The following MED12L variants were observed in gnomAD, a reference collection of about 807,000 sequenced individuals.
MED12L encodes mediator of RNA polymerase II transcription subunit 12-like protein.
A neutral mutation model predicts 281.3 loss-of-function variants in MED12L; 60 were observed. The observed-to-expected ratio is 0.21, with a 90% CI of 0.17 to 0.26. The LOEUF (loss-of-function observed/expected upper bound fraction) is 0.26, where lower values mean the gene tolerates loss of function less well. MED12L is among the 10% of genes least tolerant of loss of function. The probability of loss-of-function intolerance (pLI) is 1.00; values close to 1 mark genes in which losing one functional copy is unlikely to be tolerated. For synonymous variants in MED12L, 974 were observed against 987.2 expected, an observed-to-expected ratio of 0.99 and a Z score of 0.25; for missense variants, 2,146 against 2,680.9, an observed-to-expected ratio of 0.80 and a Z score of 4.41.
intron 3 of MED12L, among the ~76,000 whole-genome samples, chr3:151,120,164 T>C (rs927247871): frequency 1.3e-5 from 2 of 151,382 alleles, no homozygotes; most frequent in African/African-American, 4.9e-5. Flanking sequence ...AGGCAGAGGT[T>C]GTAGTGAGCC....
At chr3:151,145,184 G>T (rs1417329784) in intron 5 of MED12L, among the ~76,000 whole-genome samples, 2 of 152,166 alleles carry the variant, frequency 1.3e-5, no homozygotes, top group Non-Finnish European at 2.9e-5. Flanking sequence ...TGGAGCCAGG[G>T]CAGGAACCAG....
chr3:151,251,516 C>T (rs1034387480), intron 16 of MED12L, among the ~76,000 whole-genome samples: 2 of 152,138 alleles, frequency 1.3e-5, no homozygotes, highest in African/African-American at 4.8e-5. Flanking sequence ...TGAGAGGAAT[C>T]CCTCTAAAAT....
In MED12L at chr3:151,224,088, T is replaced by G. The variant is rs550118787; in HGVS notation, c.2250+30422T>G. On this transcript the variant is annotated intron_variant, in intron 16 of 44. Transcript: ENST00000687756. ...TTATCAACATTAGTGTCTGCACTTC[T>G]GTTTTTGTATATTTAAATTATTTCA... Among the ~76,000 whole-genome samples the G allele has an allele frequency of 1.2e-4, 18 of 152,300 alleles. No homozygotes were observed. The East Asian group carries it at 3.5e-3, about 29-fold the overall frequency.
chr3:151,102,656 A>T (rs1362521944), intron 2 of MED12L, among the ~76,000 whole-genome samples: 1 of 152,110 alleles, frequency 6.6e-6, no homozygotes, highest in Non-Finnish European at 1.5e-5. Flanking sequence ...TGTTTTTTGT[A>T]GAGACAAGGT....
rs1720050418 is a variant in MED12L at position 151,435,537 on chromosome 3, C to CTAACT, written c.*2736_*2740dup. On this transcript the variant is annotated 3_prime_UTR_variant, in exon 45 of 45. Transcript: ENST00000687756. ...ACATGTCTCAAATGATTGGCAGGGG[C>CTAACT]TAACTTATTAGTAATTCTCGGTTTT... The CTAACT allele has an allele frequency of 6.6e-6, 1 of 152,038 alleles. No individual in the cohort carries two copies. The highest frequency in any genetic ancestry group is 2.1e-4 in the South Asian group (1 of 4,810). The allele number at this position is 152,038 out of a possible 1,614,324, so 9.4% of individuals were successfully genotyped here. A position where few individuals can be genotyped will look rare whatever the true frequency, so the allele number is the denominator to read the frequency against.
intron 16 of MED12L, among the ~76,000 whole-genome samples, chr3:151,340,318 G>A (rs553029368): frequency 1.3e-5 from 2 of 152,050 alleles, no homozygotes; most frequent in African/African-American, 4.8e-5. Context: ...CCCTTTATCT[G>A]TATTTAAATC....
chr3:151,286,781 C>G (rs1743566073), intron 16 of MED12L, among the ~76,000 whole-genome samples: 1 of 152,198 alleles, frequency 6.6e-6, no homozygotes, highest in African/African-American at 2.4e-5. Context: ...GCAAGCAACA[C>G]TTTCACTCTC....
intron 16 of MED12L, among the ~76,000 whole-genome samples, chr3:151,211,390 T>C (rs1355619930): frequency 7.1e-6 from 1 of 140,450 alleles, no homozygotes; most frequent in East Asian, 2.1e-4. Context: ...GTTTCGTTTT[T>C]GTTTTTTGTT....
intron 16 of MED12L, among the ~76,000 whole-genome samples, chr3:151,235,195 G>A (rs1732483276): frequency 6.6e-6 from 1 of 152,128 alleles, no homozygotes; most frequent in African/African-American, 2.4e-5. Flanking sequence ...GAGCTTTTTG[G>A]TCATCTAATG....
rs567890937 is a variant in MED12L, at chr3:151,120,241, G to A, written c.205-2542G>A. ...ACTGTCTCAAAAAAAAAAACAAAAC[G>A]AAAAACCAAAAACAAACAAAAAACA... On this transcript the variant is annotated intron_variant, in intron 3 of 44. Coordinates refer to ENST00000687756, the MANE Select transcript of MED12L (RefSeq NM_001393769.1). 1.9e-3 allele frequency among the ~76,000 whole-genome samples: 285 copies of A among 151,052 alleles called. 3 individuals carry two copies. The highest frequency in any genetic ancestry group is 9.4e-3 in the South Asian group (45 of 4,772).
At position 151,346,916 on chromosome 3, in the gene MED12L, A is replaced by G. The variant is rs1237093453; in HGVS notation, c.2251-3143A>G. On this transcript the variant is annotated intron_variant, in intron 16 of 44. Coordinates refer to ENST00000687756, the MANE Select transcript of MED12L (RefSeq NM_001393769.1). Reference sequence around the variant, plus strand: ...CAAAAGTTCCCTGCTGTTATAATGTATTAATTTTTTATACATTGTAAATAG... The same window carrying G: ...CAAAAGTTCCCTGCTGTTATAATGTGTTAATTTTTTATACATTGTAAATAG... Among the ~76,000 whole-genome samples, 5 of 152,188 alleles carry G rather than the reference A, an allele frequency of 3.3e-5. No individual in the cohort carries two copies. In the East Asian group the frequency reaches 5.8e-4, roughly 18 times the overall value.
chr3:151,401,147 G>T (rs575556245), intron 39 of MED12L, among the ~76,000 whole-genome samples: 1 of 151,914 alleles, frequency 6.6e-6, no homozygotes, highest in East Asian at 1.9e-4. Context: ...CTTTTTTGTA[G>T]CTAATTTAAT....
chr3:151,330,280 G>T (rs1421549721), intron 16 of MED12L, among the ~76,000 whole-genome samples: 4 of 152,180 alleles, frequency 2.6e-5, no homozygotes, highest in Non-Finnish European at 5.9e-5. Context: ...CCATGGGAAT[G>T]AATTGCAAAT....
Position 151,368,586 on chromosome 3 carries a change from A to ATTTATTTTAT in MED12L, c.3550+373_3550+382dup, listed in dbSNP as rs71637017. ...ATCACAGCAGCTTAGGGCAATGGTG[A>ATTTATTTTAT]TTTATTTTATTTTATTTTATTTTAT... On this transcript the variant is annotated intron_variant, in intron 25 of 44. Coordinates refer to ENST00000687756, the MANE Select transcript of MED12L (RefSeq NM_001393769.1). Among the ~76,000 whole-genome samples, 74 of 120,770 alleles carry ATTTATTTTAT rather than the reference A, an allele frequency of 6.1e-4. 3 individuals are homozygous for ATTTATTTTAT. The highest frequency in any genetic ancestry group is 1.2e-3 in the East Asian group (5 of 4,034). 79.2% of individuals were successfully genotyped at this position (120,770 alleles called of 152,430 possible).
chr3:151,198,867 T>C lies in MED12L; in HGVS notation c.2250+5201T>C. ...AAATTTGTCAGCAAATGCCAATTTC[T>C]TCCAAATTCCTTTTTAAACTCCATA... On this transcript the variant is annotated intron_variant, in intron 16 of 44. Transcript: ENST00000687756. 1.9e-6 allele frequency: 3 copies of C among 1,614,140 alleles called. No individual in the cohort carries two copies. Among genetic ancestry groups the C allele is most frequent in the Non-Finnish European group, 1.7e-6 (2 of 1,179,970 alleles).
intron 16 of MED12L, among the ~76,000 whole-genome samples, chr3:151,303,526 G>A (rs1191744559): frequency 6.6e-6 from 1 of 152,190 alleles, no homozygotes; most frequent in African/African-American, 2.4e-5. Context: ...ACTTTGGGAG[G>A]CCATGGTGGG....
chr3:151,237,677 A>C (rs1013139007), intron 16 of MED12L, among the ~76,000 whole-genome samples: 1 of 152,094 alleles, frequency 6.6e-6, no homozygotes, highest in Non-Finnish European at 1.5e-5. Context: ...AAGAAGTTAC[A>C]CTAGTTTATA....
chr3:151,085,869 A>G lies in MED12L; in HGVS notation c.-197A>G, dbSNP rs1719089132. The G allele has an allele frequency of 6.6e-6, 1 of 151,966 alleles. No homozygotes were observed. The highest frequency in any genetic ancestry group is 6.5e-5 in the Admixed American group (1 of 15,284). The allele number at this position is 151,966 out of a possible 1,614,324, so 9.4% of individuals were successfully genotyped here. The stretch of plus-strand genomic sequence containing the variant: ...CAAGTCCCCCATCCCAACCCGAATG[A>G]TGGAGGCTGCGGCGGCCGGAGTGAC... On this transcript the variant is annotated 5_prime_UTR_variant, in exon 1 of 45. An upstream start codon of the reference 5' UTR is lost. Coordinates refer to ENST00000687756, the MANE Select transcript of MED12L (RefSeq NM_001393769.1).
intron 20 of MED12L, among the ~76,000 whole-genome samples, chr3:151,358,475 A>T (rs536106373): frequency 6.6e-6 from 1 of 152,278 alleles, no homozygotes; most frequent in Admixed American, 6.5e-5. Context: ...AAGCTTATTC[A>T]TGCTGTTTAA....
Sources: gnomAD v4.1 joint callset for allele counts (sites outside exome capture counted in the v4.1 genomes callset) on GRCh38, gnomAD v4.1.1 for gene constraint, MANE v1.5 for transcripts, NCBI Gene and HGNC (gene_info 2026-07-23, HGNC 2026-07-21) for gene names.